Variants in VOPP1 observed in about 807,000 individuals in gnomAD.
VOPP1 encodes WW domain binding protein VOPP1.
In VOPP1, 8 loss-of-function variants were observed where a neutral mutation model predicts 23.5. The ratio of observed to expected loss-of-function variants is 0.34; its 90% CI spans 0.20 to 0.61. The LOEUF (loss-of-function observed/expected upper bound fraction) is 0.61. Ranked by LOEUF, VOPP1 falls within the 20% of genes least tolerant of loss-of-function variation. VOPP1 has a pLI of 0.78. For synonymous variants in VOPP1, 83 were observed against 97.3 expected (o/e 0.85, Z 0.86); for missense variants, 174 against 238.1 (o/e 0.73, Z 1.77).
At chr7:55,478,487 A>T (rs759858509) in intron 4 of VOPP1, among the ~76,000 whole-genome samples, 8 of 152,240 alleles carry the variant, frequency 5.3e-5, no homozygotes, top group Admixed American at 5.2e-4. Context: ...AATAAAGAAG[A>T]TTAAGAAATA....
At chr7:55,521,023 A>G in intron 2 of VOPP1, 49 bp downstream of exon 2, 1 of 1,536,872 alleles carries the variant, frequency 6.5e-7, no homozygotes, top group Non-Finnish European at 8.8e-7. Flanking sequence ...CAATTCCCAG[A>G]GAAAGGTATG....
intron 1 of VOPP1, among the ~76,000 whole-genome samples, chr7:55,547,741 T>C (rs950787793): frequency 2.6e-5 from 4 of 152,124 alleles, no homozygotes; most frequent in Non-Finnish European, 5.9e-5. Context: ...ATCCAAAGAC[T>C]CATTAACCAT....
Position 55,527,715 on chromosome 7 carries a change from T to C in VOPP1, c.55-6585A>G, listed in dbSNP as rs147902943. Among the ~76,000 whole-genome samples the C allele has an allele frequency of 3.5e-3, 537 of 152,318 alleles. 2 individuals are homozygous for C. The highest frequency in any genetic ancestry group is 0.012 in the African/African-American group (488 of 41,556). On this transcript the variant is annotated intron_variant, in intron 1 of 4. Transcript: ENST00000285279. ...GGAAACTACCCAAATAGGGCTGATATCTTTATCAATAAAGACTTACATGAT... is the reference window on the plus strand; with the variant it reads ...GGAAACTACCCAAATAGGGCTGATACCTTTATCAATAAAGACTTACATGAT...
intron 1 of VOPP1, among the ~76,000 whole-genome samples, chr7:55,572,028 C>T (rs1798379416): frequency 6.6e-6 from 1 of 152,150 alleles, no homozygotes; most frequent in Admixed American, 6.5e-5. Flanking sequence ...CGCTCACCCG[C>T]AGGGTGGGGG....
chr7:55,460,949 T>C (rs1659248351), intron 4 of VOPP1, among the ~76,000 whole-genome samples: 1 of 152,158 alleles, frequency 6.6e-6, no homozygotes, highest in African/African-American at 2.4e-5. Flanking sequence ...CCAACCCAAA[T>C]GCCCATCAAT....
intron 4 of VOPP1, among the ~76,000 whole-genome samples, chr7:55,449,834 G>A (rs1172490404): frequency 1.3e-5 from 2 of 152,170 alleles, no homozygotes; most frequent in Non-Finnish European, 2.9e-5. Context: ...GGCCCCTGCA[G>A]CCCCTCAACA....
downstream of VOPP1, among the ~76,000 whole-genome samples, chr7:55,435,692 C>G (rs1790805923): frequency 6.6e-6 from 1 of 152,224 alleles, no homozygotes; most frequent in Admixed American, 6.5e-5. Context: ...TCCCCAGAGG[C>G]TGAGGCGCAG....
In VOPP1 at chr7:55,444,235, G is replaced by C. The variant is rs369859791; in HGVS notation, n.418-8061C>G. Among the ~76,000 whole-genome samples, 58 of 152,328 alleles carry C rather than the reference G, an allele frequency of 3.8e-4. No individual in the cohort carries two copies. In the South Asian group the frequency reaches 0.012, roughly 31 times the overall value. ...TTAAGTTAGAGATCATCGGACAAGA[G>C]TCATGTTGGGTTATAGGCCCACCTT... is the stretch of plus-strand genomic sequence containing the variant. On this transcript the variant is annotated intron_variant and non_coding_transcript_variant, in intron 4 of 4. Coordinates refer to the VOPP1 transcript ENST00000462326.
At chr7:55,434,967 T>C (rs371511702), downstream of VOPP1, among the ~76,000 whole-genome samples, 1 of 152,338 alleles carries the variant, frequency 6.6e-6, no homozygotes, top group East Asian at 1.9e-4. Context: ...GCTTAGGCAG[T>C]TTTCACATCT....
At chr7:55,507,042 C>G (rs1157395373) in intron 2 of VOPP1, among the ~76,000 whole-genome samples, 1 of 152,148 alleles carries the variant, frequency 6.6e-6, no homozygotes, top group Non-Finnish European at 1.5e-5. Context: ...TTTAGGAATC[C>G]AACCTACCCC....
intron 4 of VOPP1, among the ~76,000 whole-genome samples, chr7:55,491,124 CA>C (rs2129018630): frequency 6.6e-6 from 1 of 152,302 alleles, no homozygotes; most frequent in Non-Finnish European, 1.5e-5. Flanking sequence ...AGTTTAAAGA[CA>C]GGGGCACATC....
rs149822086 is a variant in VOPP1 at position 55,535,482 on chromosome 7, C to T, written c.55-14352G>A. On this transcript the variant is annotated intron_variant, in intron 1 of 4. Coordinates refer to ENST00000285279, the MANE Select transcript of VOPP1 (RefSeq NM_030796.5). The stretch of plus-strand genomic sequence containing the variant: ...CTTCTGGCCTGGCCGCCCCCACATG[C>T]CATTGGCTCTTCCTGTCTCTGCCGC... 3.9e-5 allele frequency among the ~76,000 whole-genome samples: 6 copies of T among 152,308 alleles called. No homozygotes were observed. In the South Asian group the frequency reaches 1.0e-3, roughly 26 times the overall value.
chr7:55,533,763 C>T (rs1440910412), intron 1 of VOPP1, among the ~76,000 whole-genome samples: 1 of 152,204 alleles, frequency 6.6e-6, no homozygotes, highest in Non-Finnish European at 1.5e-5. Context: ...CCTGGCTTTC[C>T]CTCCTCAGTC....
Position 55,497,640 on chromosome 7 carries a change from A to T in VOPP1, c.164T>A (p.Leu55His), listed in dbSNP as rs2129024794. The T allele has an allele frequency of 6.2e-7, 1 of 1,608,040 alleles. No individual in the cohort carries two copies. Among genetic ancestry groups the T allele is most frequent in the East Asian group, 2.3e-5 (1 of 44,294 alleles). Reference protein sequence around the residue: ...CCGSRCCVRALSIQRLWYFWF... With the variant: ...CCGSRCCVRAHSIQRLWYFWF... ...GAAGTACCACAGCCTCTGTATGGAG[A>T]GGGCCCGCACACAGCACCTGGAGCC... Residue 55 changes from leucine (L) to histidine (H), a missense_variant, in exon 3 of 5, where the codon CTC becomes CAC. Physicochemically the swap from Leu to His is moderately conservative, Grantham distance 99. Transcript: ENST00000285279.
chr7:55,506,972 C>T (rs1457426833), intron 2 of VOPP1, among the ~76,000 whole-genome samples: 3 of 152,162 alleles, frequency 2.0e-5, no homozygotes, highest in Non-Finnish European at 4.4e-5. Context: ...TTACTTAATA[C>T]ACTTATGCAT....
intron 1 of VOPP1, among the ~76,000 whole-genome samples, chr7:55,542,986 G>A (rs1303046648): frequency 6.6e-6 from 1 of 151,840 alleles, no homozygotes; most frequent in East Asian, 1.9e-4. Context: ...CGTGATCTTG[G>A]CTCACTGCAA....
At chr7:55,500,703 T>C (rs1794305334) in intron 2 of VOPP1, among the ~76,000 whole-genome samples, 1 of 152,248 alleles carries the variant, frequency 6.6e-6, no homozygotes, top group Non-Finnish European at 1.5e-5. Context: ...GGCTAAATGC[T>C]TCACAAACGT....
chr7:55,512,037 T>C (rs1795103537), intron 2 of VOPP1, among the ~76,000 whole-genome samples: 1 of 152,224 alleles, frequency 6.6e-6, no homozygotes, highest in Non-Finnish European at 1.5e-5. Flanking sequence ...TATAAATGAA[T>C]GATGAGGCAT....
chr7:55,522,047 A>G (rs1423340436), intron 1 of VOPP1, among the ~76,000 whole-genome samples: 2 of 152,202 alleles, frequency 1.3e-5, no homozygotes, highest in East Asian at 3.8e-4. Flanking sequence ...AACACTGGCA[A>G]AGGGACGGCA....
Sources: gnomAD v4.1 joint callset for allele counts (sites outside exome capture counted in the v4.1 genomes callset) on GRCh38, gnomAD v4.1.1 for gene constraint, MANE v1.5 for transcripts, NCBI Gene and HGNC (gene_info 2026-07-23, HGNC 2026-07-21) for gene names.